The following SORCS2 variants were observed in gnomAD, a reference collection of about 807,000 sequenced individuals.
SORCS2 encodes sortilin related VPS10 domain containing receptor 2.
SORCS2 carries 100 observed loss-of-function variants against 141.6 expected under a neutral mutation model. That is an observed-to-expected ratio of 0.71 (90% CI 0.60 to 0.83). The LOEUF is 0.83. Among genes scored for constraint, SORCS2 ranks in the 40% least tolerant of loss-of-function variants. The pLI is 0.00. For missense variants in SORCS2, 1,646 were observed against 1,560.2 expected (o/e 1.05, Z -0.93); for synonymous variants, 789 against 676.9 (o/e 1.17, Z -2.57).
intron 1 of SORCS2, among the ~76,000 whole-genome samples, chr4:7,394,116 G>A (rs770602945): frequency 7.2e-5 from 11 of 152,162 alleles, no homozygotes; most frequent in Admixed American, 1.3e-4. Flanking sequence ...CCAGTAGAAC[G>A]ATTCTGTCCC....
At chr4:7,706,551 G>A (rs1481468070) in intron 14 of SORCS2, among the ~76,000 whole-genome samples, 52 of 137,234 alleles carry the variant, frequency 3.8e-4, no homozygotes, top group African/African-American at 1.1e-3. Context: ...ATGAGGCTGG[G>A]CTCTGCCTGG....
chr4:7,595,874 C>T (rs528286540), intron 3 of SORCS2, among the ~76,000 whole-genome samples: 25 of 152,314 alleles, frequency 1.6e-4, no homozygotes, highest in Non-Finnish European at 3.2e-4. Flanking sequence ...GGTGGACAAG[C>T]CCGACGCGGA....
At chr4:7,656,575 A>C (rs1721793478) in intron 5 of SORCS2, among the ~76,000 whole-genome samples, 1 of 152,120 alleles carries the variant, frequency 6.6e-6, no homozygotes, top group Non-Finnish European at 1.5e-5. Context: ...TGCTGCCCCC[A>C]AGCTGTGGCC....
At chr4:7,465,183 G>A (rs28670447) in intron 2 of SORCS2, among the ~76,000 whole-genome samples, 6,186 of 152,286 alleles carry the variant, frequency 0.041, 432 homozygotes, top group African/African-American at 0.14. Flanking sequence ...CGCGGACCAG[G>A]CAGCCCCGAG....
At chr4:7,258,553 G>A (rs1037439040) in intron 1 of SORCS2, among the ~76,000 whole-genome samples, 1 of 152,192 alleles carries the variant, frequency 6.6e-6, no homozygotes, top group Non-Finnish European at 1.5e-5. Flanking sequence ...TCACTGATGG[G>A]CATTTGGGCT....
intron 1 of SORCS2, among the ~76,000 whole-genome samples, chr4:7,358,887 G>C (rs1435427631): frequency 6.6e-6 from 1 of 152,108 alleles, no homozygotes; most frequent in African/African-American, 2.4e-5. Context: ...CACCCAGGCT[G>C]GAGTATAGTG....
chr4:7,578,498 A>G (rs1715920608), intron 3 of SORCS2, among the ~76,000 whole-genome samples: 1 of 152,218 alleles, frequency 6.6e-6, no homozygotes, highest in East Asian at 1.9e-4. Flanking sequence ...CAAATTATCC[A>G]TCACAATTAC....
intron 5 of SORCS2, among the ~76,000 whole-genome samples, chr4:7,658,232 T>A (rs1721931108): frequency 6.6e-6 from 1 of 151,902 alleles, no homozygotes; most frequent in South Asian, 2.1e-4. Context: ...AGTAAGTGAA[T>A]GAGTGACTGA....
At chr4:7,719,093 A>T (rs1314134018) in intron 18 of SORCS2, among the ~76,000 whole-genome samples, 1 of 152,244 alleles carries the variant, frequency 6.6e-6, no homozygotes, top group African/African-American at 2.4e-5. Context: ...CCCGGCACGC[A>T]GCTTTCCTGG....
At chr4:7,381,789 C>A (rs1723009055) in intron 1 of SORCS2, 1 of 402,114 alleles carries the variant, frequency 2.5e-6, no homozygotes, top group Non-Finnish European at 3.4e-6. Flanking sequence ...AAACCCTGGA[C>A]TGCAGCCATG....
At chr4:7,637,888 C>T (rs1046457046) in intron 3 of SORCS2, among the ~76,000 whole-genome samples, 5 of 151,368 alleles carry the variant, frequency 3.3e-5, no homozygotes, top group East Asian at 2.0e-4. Flanking sequence ...TGCATTGAGC[C>T]GGCTGGGTTG....
In SORCS2 at chr4:7,729,629, C is replaced by T. The variant is rs749818405; in HGVS notation, c.3025C>T (p.Pro1009Ser). ...PQELLVTVVK[P>S]GLPTLADLYV... ...GGAGCTTCTGGTGACTGTGGTGAAGCCGGGGCTGCCCACTTTGGCCGATCT... is the reference window on the plus strand; with the variant it reads ...GGAGCTTCTGGTGACTGTGGTGAAGTCGGGGCTGCCCACTTTGGCCGATCT... Residue 1009 changes from proline to serine, a missense_variant, in exon 23 of 27, where the codon CCG becomes TCG. Physicochemically the swap from Pro to Ser is moderately conservative, Grantham distance 74. Coordinates refer to ENST00000507866, the MANE Select transcript of SORCS2 (RefSeq NM_020777.3). 3 of 1,595,530 alleles carry T rather than the reference C, an allele frequency of 1.9e-6. No homozygotes were observed. Among genetic ancestry groups the T allele is most frequent in the Non-Finnish European group, 2.6e-6 (3 of 1,171,238 alleles).
At chr4:7,461,228 C>T (rs1447862543) in intron 2 of SORCS2, among the ~76,000 whole-genome samples, 1 of 152,226 alleles carries the variant, frequency 6.6e-6, no homozygotes, top group African/African-American at 2.4e-5. Context: ...CTCTTTCCCT[C>T]TGCCGTCACA....
chr4:7,384,492 G>A (rs1338186362), intron 1 of SORCS2, among the ~76,000 whole-genome samples: 6 of 152,170 alleles, frequency 3.9e-5, no homozygotes, highest in Admixed American at 3.9e-4. Flanking sequence ...GAAGGAGACG[G>A]GGTTAAGGTG....
At chr4:7,258,313 G>A (rs1186770897) in intron 1 of SORCS2, among the ~76,000 whole-genome samples, 3 of 152,052 alleles carry the variant, frequency 2.0e-5, no homozygotes, top group Non-Finnish European at 2.9e-5. Context: ...CACACCCACC[G>A]ACAGGCCCCG....
rs187175655 is a variant in SORCS2, at chr4:7,456,713, A to C, written c.548+60358A>C. Among the ~76,000 whole-genome samples, 748 of 152,224 alleles carry C rather than the reference A, an allele frequency of 4.9e-3. 2 individuals are homozygous for C. The highest frequency in any genetic ancestry group is 7.0e-3 in the Admixed American group (107 of 15,292). ...CACAGAGGAGATCTGAACAGAGGGA[A>C]CTGCTGCTCAGTGGCTTTGAGCCAG... On this transcript the variant is annotated intron_variant, in intron 2 of 26. Transcript: ENST00000507866.
In SORCS2 at chr4:7,323,129, G is replaced by A. The variant is rs554175698; in HGVS notation, c.481-73159G>A. Among the ~76,000 whole-genome samples the A allele has an allele frequency of 4.6e-5, 7 of 152,342 alleles. No individual in the cohort carries two copies. The South Asian group carries it at 1.4e-3, about 32-fold the overall frequency. ...ATTATTTATGTATTAATAACCGCCA[G>A]TTTTGCAAATGGCCTTAGGTAGCTT... On this transcript the variant is annotated intron_variant, in intron 1 of 26. Coordinates refer to ENST00000507866, the MANE Select transcript of SORCS2 (RefSeq NM_020777.3).
At chr4:7,544,047 T>G (rs955783229) in intron 3 of SORCS2, among the ~76,000 whole-genome samples, 2 of 132,726 alleles carry the variant, frequency 1.5e-5, no homozygotes, top group African/African-American at 5.7e-5. Flanking sequence ...CACCCATCCA[T>G]CCAGCCACCC....
At chr4:7,656,362 G>T (rs977968208) in intron 5 of SORCS2, among the ~76,000 whole-genome samples, 7 of 151,962 alleles carry the variant, frequency 4.6e-5, no homozygotes, top group African/African-American at 1.7e-4. Flanking sequence ...CAGCTGCCCC[G>T]CAGCCATCCT....
Sources: gnomAD v4.1 joint callset for allele counts (sites outside exome capture counted in the v4.1 genomes callset) on GRCh38, gnomAD v4.1.1 for gene constraint, MANE v1.5 for transcripts, NCBI Gene and HGNC (gene_info 2026-07-23, HGNC 2026-07-21) for gene names.